The following TRERF1 variants were observed in gnomAD, a reference collection of about 807,000 sequenced individuals.
TRERF1 encodes the protein transcriptional-regulating factor 1.
A neutral mutation model predicts 122.9 loss-of-function variants in TRERF1; 27 were observed. That is an observed-to-expected ratio of 0.22 (90% confidence interval 0.16 to 0.30). TRERF1 has a LOEUF of 0.30. Among genes scored for constraint, TRERF1 ranks in the 10% least tolerant of loss-of-function variants. The pLI is 1.00. For synonymous variants in TRERF1, 636 were observed against 641.7 expected, an observed-to-expected ratio of 0.99 and a Z score of 0.13; for missense variants, 1,248 against 1,560.3, an observed-to-expected ratio of 0.80 and a Z score of 3.37.
At chr6:42,350,436 G>A (rs369307589) in intron 3 of TRERF1, among the ~76,000 whole-genome samples, 3 of 152,120 alleles carry the variant, frequency 2.0e-5, no homozygotes, top group South Asian at 4.1e-4. Flanking sequence ...CTGAGGCCCC[G>A]CTATTACTCA....
At chr6:42,309,502 G>T (rs970892083) in intron 3 of TRERF1, among the ~76,000 whole-genome samples, 2 of 152,172 alleles carry the variant, frequency 1.3e-5, no homozygotes, top group Non-Finnish European at 2.9e-5. Context: ...TGTTATATGT[G>T]CAAAATGCTC....
intron 2 of TRERF1, among the ~76,000 whole-genome samples, chr6:42,409,097 G>C (rs1780725516): frequency 6.6e-6 from 1 of 152,006 alleles, no homozygotes; most frequent in Non-Finnish European, 1.5e-5. Flanking sequence ...GACCATCCCA[G>C]GCAACATGAC....
At chr6:42,249,988 A>C (rs986449431) in intron 13 of TRERF1, among the ~76,000 whole-genome samples, 1 of 152,158 alleles carries the variant, frequency 6.6e-6, no homozygotes, top group African/African-American at 2.4e-5. Flanking sequence ...ATAACATATG[A>C]ATGTGTTTTC....
In TRERF1 at chr6:42,241,132, C is replaced by T. The variant is rs577422864; in HGVS notation, c.2859+2116G>A. Among the ~76,000 whole-genome samples, 136 of 152,264 alleles carry T rather than the reference C, an allele frequency of 8.9e-4. 1 individual carries two copies. The highest frequency in any genetic ancestry group is 1.8e-3 in the Admixed American group (28 of 15,298). On this transcript the variant is annotated intron_variant, in intron 15 of 17. Coordinates refer to ENST00000372922, the Ensembl canonical transcript of TRERF1. ...ATCTCCTGACCTCGTGATCCACCTA[C>T]CTTGGCCTCCCAAAGTGCTGGGATT...
chr6:42,416,372 C>T (rs1025147788), intron 2 of TRERF1, among the ~76,000 whole-genome samples: 3 of 152,080 alleles, frequency 2.0e-5, no homozygotes, highest in African/African-American at 7.2e-5. Context: ...ATGTATTTTC[C>T]CATGTTGAGG....
intron 2 of TRERF1, among the ~76,000 whole-genome samples, chr6:42,422,387 G>A (rs979743305): frequency 2.6e-5 from 4 of 151,072 alleles, no homozygotes; most frequent in South Asian, 2.1e-4. Context: ...GTATGGTGGC[G>A]TATGCCTGTA....
intron 3 of TRERF1, among the ~76,000 whole-genome samples, chr6:42,331,591 G>A (rs535268206): frequency 1.6e-3 from 237 of 152,296 alleles, no homozygotes; most frequent in African/African-American, 5.1e-3. Context: ...TATAGATCCC[G>A]CAGAATGAAG....
chr6:42,324,907 CTAAT>C (rs1764027953), intron 3 of TRERF1, among the ~76,000 whole-genome samples: 2 of 152,066 alleles, frequency 1.3e-5, no homozygotes, highest in African/African-American at 4.8e-5. Flanking sequence ...CAAGTAGGGC[CTAAT>C]TAAACTAAGG....
intron 2 of TRERF1, among the ~76,000 whole-genome samples, chr6:42,444,342 T>G (rs1331548743): frequency 6.6e-6 from 1 of 152,172 alleles, no homozygotes; most frequent in African/African-American, 2.4e-5. Flanking sequence ...GAAGACTCTT[T>G]TCTCCAAGCT....
intron 3 of TRERF1, among the ~76,000 whole-genome samples, chr6:42,316,852 A>T (rs1762588566): frequency 6.6e-6 from 1 of 152,062 alleles, no homozygotes; most frequent in Non-Finnish European, 1.5e-5. Flanking sequence ...CCTTTTTATA[A>T]TCCCTTGCTA....
intron 2 of TRERF1, among the ~76,000 whole-genome samples, chr6:42,373,045 G>A (rs1207833503): frequency 6.6e-6 from 1 of 152,252 alleles, no homozygotes; most frequent in Non-Finnish European, 1.5e-5. Flanking sequence ...GGGTACCCAT[G>A]CTATGGTTGT....
chr6:42,226,776 T>C (rs987285272), exon 18 of TRERF1: 1 of 152,226 alleles, frequency 6.6e-6, no homozygotes, highest in African/African-American at 2.4e-5. Flanking sequence ...TGATATTCTC[T>C]CTCATGTCAA....
At chr6:42,345,189 T>C (rs1461318844) in intron 3 of TRERF1, among the ~76,000 whole-genome samples, 2 of 152,248 alleles carry the variant, frequency 1.3e-5, no homozygotes, top group African/African-American at 2.4e-5. Context: ...AAAATGTTCA[T>C]TGTGGTTCTT....
chr6:42,321,407 G>GA (rs35420503), intron 3 of TRERF1, among the ~76,000 whole-genome samples: 6,036 of 149,466 alleles, frequency 0.04, 284 homozygotes, highest in East Asian at 0.23. Context: ...GAGTTTGAGA[G>GA]AAAAAAAATG....
chr6:42,263,419 G>C lies in TRERF1; in HGVS notation c.1785C>G (p.Pro595=). The stretch of plus-strand genomic sequence containing the variant: ...TGGTGAACCCCTGAGAGCTGGGCTT[G>C]GGCGGGAGAAGCTTGACAGGGACAG... Residue 595 remains proline (P), a synonymous_variant, in exon 8 of 18, where the codon CCC becomes CCG. Coordinates refer to ENST00000372922, the Ensembl canonical transcript of TRERF1. The surrounding 1 kb of genome is among the most constrained non-coding windows in gnomAD (Gnocchi z 5.6). 2.5e-6 allele frequency: 4 copies of C among 1,612,060 alleles called. No homozygotes were observed. The highest frequency in any genetic ancestry group is 3.4e-6 in the Non-Finnish European group (4 of 1,179,168).
At position 42,264,771 on chromosome 6, in the gene TRERF1, T is replaced by C. The variant is rs61758087; in HGVS notation, c.1568A>G (p.Asn523Ser). 0.011 allele frequency: 18,533 copies of C among 1,614,196 alleles called. 132 individuals are homozygous for C. Among genetic ancestry groups the C allele is most frequent in the Middle Eastern group, 0.032 (192 of 6,062 alleles). ...CATGTGGCCATTCAGGGCAGGCAGG[T>C]TCTTGAACTCCTTCAGGCAGATGGA... The change falls in exon 7 of 18, where the codon AAC becomes AGC. Residue 523 changes from asparagine to serine, a missense_variant. By Grantham distance (46) the Asn-to-Ser change is conservative. Coordinates refer to ENST00000372922, the Ensembl canonical transcript of TRERF1.
chr6:42,321,740 A>C (rs1310168765), intron 3 of TRERF1, among the ~76,000 whole-genome samples: 1 of 152,252 alleles, frequency 6.6e-6, no homozygotes, highest in Non-Finnish European at 1.5e-5. Flanking sequence ...CAGAACTTCC[A>C]ATTTTTAAAA....
At chr6:42,440,933 C>T (rs779334953) in intron 2 of TRERF1, among the ~76,000 whole-genome samples, 8 of 152,186 alleles carry the variant, frequency 5.3e-5, no homozygotes, top group Non-Finnish European at 1.0e-4. Context: ...CCCTCCTCCA[C>T]GTGCGCTAAG....
chr6:42,344,560 A>C (rs1051704207), intron 3 of TRERF1, among the ~76,000 whole-genome samples: 3 of 152,160 alleles, frequency 2.0e-5, no homozygotes, highest in Admixed American at 1.3e-4. Flanking sequence ...TAACACAGGA[A>C]AATGCTTGAG....
Sources: gnomAD v4.1 joint callset for allele counts (sites outside exome capture counted in the v4.1 genomes callset) on GRCh38, gnomAD v4.1.1 for gene constraint, Gnocchi (gnomAD v3.1) non-coding constraint, MANE v1.5 for transcripts, NCBI Gene and HGNC (gene_info 2026-07-23, HGNC 2026-07-21) for gene names.